The following ZNF572 variants were observed in gnomAD, a reference collection of about 807,000 sequenced individuals.
The protein encoded by ZNF572 is zinc finger protein 572.
Under a neutral mutation model 3.8 loss-of-function variants are expected in ZNF572, and 2 were observed. The ratio of observed to expected loss-of-function variants is 0.52; its 90% CI spans 0.21 to 1.65. The LOEUF (loss-of-function observed/expected upper bound fraction) is 1.65, where lower values mean the gene tolerates loss of function less well. ZNF572 is among the 40% of genes most tolerant of loss of function. The pLI is 0.20. For missense variants in ZNF572, 581 were observed against 633.4 expected (o/e 0.92, Z 0.89); for synonymous variants, 187 against 204.5 (o/e 0.91, Z 0.73).
At position 124,973,352 on chromosome 8, in the gene ZNF572, A is replaced by T. The variant is rs1814456763; in HGVS notation, c.-100A>T. 6.6e-6 allele frequency: 1 copy of T among 152,154 alleles called. No homozygotes were observed. Among genetic ancestry groups the T allele is most frequent in the Admixed American group, 6.5e-5 (1 of 15,270 alleles). 9.4% of individuals were successfully genotyped at this position (152,154 alleles called of 1,614,324 possible). A position where few individuals can be genotyped will look rare whatever the true frequency, so the allele number is the denominator to read the frequency against. Reference sequence around the variant, plus strand: ...ACCCTGGGTTGGTGGGGTCAGAGGGAGAGGGGGTACCTTCCTCCCGGACCG... The same window carrying T: ...ACCCTGGGTTGGTGGGGTCAGAGGGTGAGGGGGTACCTTCCTCCCGGACCG... On this transcript the variant is annotated 5_prime_UTR_variant, in exon 1 of 3. Transcript: ENST00000319286.
chr8:124,977,130 A>G lies in ZNF572; in HGVS notation c.862A>G (p.Ile288Val). The stretch of plus-strand genomic sequence containing the variant: ...GAGTTTTAGTCAGAGTTCCAGCCTC[A>G]TTCGCCACCAGCGGACACACACAGG... ...GKSFSQSSSL[I>V]RHQRTHTGEK... The change falls in exon 3 of 3, where the codon ATT (isoleucine) becomes GTT (valine). Residue 288 changes from isoleucine to valine, a missense_variant. Transcript: ENST00000319286. The G allele has an allele frequency of 1.9e-6, 3 of 1,608,838 alleles. No individual in the cohort carries two copies. Among genetic ancestry groups the G allele is most frequent in the Non-Finnish European group, 2.5e-6 (3 of 1,179,998 alleles).
At chr8:124,975,252 A>G (rs1320507726) in intron 1 of ZNF572, among the ~76,000 whole-genome samples, 1 of 152,134 alleles carries the variant, frequency 6.6e-6, no homozygotes, top group African/African-American at 2.4e-5. Context: ...TGAAGTCTTT[A>G]TAAGTTTTAT....
Position 124,976,885 on chromosome 8 carries a change from A to G in ZNF572, c.617A>G (p.His206Arg), listed in dbSNP as rs1814514402. 6.2e-7 allele frequency: 1 copy of G among 1,614,182 alleles called. No individual in the cohort carries two copies. Among genetic ancestry groups the G allele is most frequent in the Non-Finnish European group, 8.5e-7 (1 of 1,180,020 alleles). ...SFSNTSHLIIHERTHTGEKPY... is the reference protein window; with the variant it reads ...SFSNTSHLIIRERTHTGEKPY... ...AGCAATACCTCCCATCTTATTATCC[A>G]TGAGAGAACTCACACGGGAGAGAAA... The change falls in exon 3 of 3, where the codon CAT becomes CGT. Residue 206 changes from histidine (H) to arginine (R), a missense_variant. Coordinates refer to ENST00000319286, the MANE Select transcript of ZNF572 (RefSeq NM_152412.3).
rs938121416 is a variant in ZNF572 at position 124,978,673 on chromosome 8, T to C, written c.*815T>C. ...GTATTGAAGACACTGGGTTTAGACA[T>C]TGGATATTTTAATGATTGTGTGTTC... On this transcript the variant is annotated 3_prime_UTR_variant, in exon 3 of 3. Coordinates refer to ENST00000319286, the MANE Select transcript of ZNF572 (RefSeq NM_152412.3). 5.9e-5 allele frequency: 9 copies of C among 152,198 alleles called. No individual in the cohort carries two copies. The highest frequency in any genetic ancestry group is 1.9e-4 in the East Asian group (1 of 5,206). The allele number at this position is 152,198 out of a possible 1,614,324, so 9.4% of individuals were successfully genotyped here.
In ZNF572 at chr8:124,977,393, C is replaced by G; in HGVS notation, c.1125C>G (p.Cys375Trp). 6.2e-7 allele frequency: 1 copy of G among 1,614,074 alleles called. No individual in the cohort carries two copies. The highest frequency in any genetic ancestry group is 8.5e-7 in the Non-Finnish European group (1 of 1,179,998). ...LGQNCNVIEE[C>W]RIQLGEKPYR... ...AGAACTGCAATGTGATAGAAGAATG[C>G]AGAATCCAGTTAGGAGAGAAACCAT... Residue 375 changes from cysteine (C) to tryptophan (W), a missense_variant, in exon 3 of 3, where the codon TGC becomes TGG. Cys to Trp is a radical substitution (Grantham distance 215, BLOSUM62 -2). Coordinates refer to ENST00000319286, the MANE Select transcript of ZNF572 (RefSeq NM_152412.3).
rs766562493 is a variant in ZNF572 at position 124,975,616 on chromosome 8, C to A, written c.-25C>A. 13 of 1,595,186 alleles carry A rather than the reference C, an allele frequency of 8.1e-6. No homozygotes were observed. The highest frequency in any genetic ancestry group is 1.1e-5 in the Non-Finnish European group (13 of 1,163,060). On this transcript the variant is annotated 5_prime_UTR_variant, in exon 2 of 3. Transcript: ENST00000319286. ...TATTTCCTTCCACAGGGTTTCTGATCTCTAACTTGGCTGTGATCATTGTGA... is the reference window on the plus strand; with the variant it reads ...TATTTCCTTCCACAGGGTTTCTGATATCTAACTTGGCTGTGATCATTGTGA...
chr8:124,976,762 G>T lies in ZNF572; in HGVS notation c.494G>T (p.Cys165Phe). The change falls in exon 3 of 3, where the codon TGT becomes TTT. Residue 165 changes from cysteine to phenylalanine, a missense_variant. Coordinates refer to ENST00000319286, the MANE Select transcript of ZNF572 (RefSeq NM_152412.3). ...GAAAAGCCTTATAAATGCTCTGAGT[G>T]TGCAAAATGTTTTTGTAACAGTTCT... The part of the protein sequence containing the change: ...SGEKPYKCSE[C>F]AKCFCNSSHL... 1 of 1,614,202 alleles carries T rather than the reference G, an allele frequency of 6.2e-7. No individual in the cohort carries two copies. Among genetic ancestry groups the T allele is most frequent in the South Asian group, 1.1e-5 (1 of 91,084 alleles).
rs759706881 is a variant in ZNF572, at chr8:124,975,623, T to C, written c.-18T>C. ...TTCCACAGGGTTTCTGATCTCTAAC[T>C]TGGCTGTGATCATTGTGATGGAGCA... On this transcript the variant is annotated 5_prime_UTR_variant, in exon 2 of 3. Coordinates refer to ENST00000319286, the MANE Select transcript of ZNF572 (RefSeq NM_152412.3). The C allele has an allele frequency of 6.2e-7, 1 of 1,604,794 alleles. No individual in the cohort carries two copies. The highest frequency in any genetic ancestry group is 8.5e-7 in the Non-Finnish European group (1 of 1,171,586).
Position 124,976,745 on chromosome 8 carries a change from T to C in ZNF572, c.477T>C (p.Pro159=). 6.2e-7 allele frequency: 1 copy of C among 1,614,196 alleles called. No homozygotes were observed. Among genetic ancestry groups the C allele is most frequent in the Non-Finnish European group, 8.5e-7 (1 of 1,180,018 alleles). ...AGAGGACCCACTCAGGAGAAAAGCC[T>C]TATAAATGCTCTGAGTGTGCAAAAT... ...THQRTHSGEK[P]YKCSECAKCF... is the part of the protein sequence containing the mutation. Residue 159 remains proline (P), a synonymous_variant, in exon 3 of 3, where the codon CCT becomes CCC. Coordinates refer to ENST00000319286, the MANE Select transcript of ZNF572 (RefSeq NM_152412.3).
Position 124,977,227 on chromosome 8 carries a change from G to T in ZNF572, c.959G>T (p.Arg320Ile), listed in dbSNP as rs768541083. The T allele has an allele frequency of 2.5e-6, 4 of 1,612,962 alleles. No homozygotes were observed. Among genetic ancestry groups the T allele is most frequent in the Middle Eastern group, 1.6e-4 (1 of 6,062 alleles). The change falls in exon 3 of 3, where the codon AGA becomes ATA. Residue 320 changes from arginine to isoleucine, a missense_variant. Physicochemically the swap from Arg to Ile is moderately conservative, Grantham distance 97. Coordinates refer to ENST00000319286, the MANE Select transcript of ZNF572 (RefSeq NM_152412.3). ...AATTCTACTCTAATAAAACATCAGA[G>T]AATACATACAGGAGAAAAGCCTTAT... ...GCNSTLIKHQ[R>I]IHTGEKPYQC...
Position 124,975,734 on chromosome 8 carries a change from C to T in ZNF572, c.79+15C>T, listed in dbSNP as rs369069679. 236 of 1,603,534 alleles carry T rather than the reference C, an allele frequency of 1.5e-4. No individual in the cohort carries two copies. The highest frequency in any genetic ancestry group is 1.4e-3 in the East Asian group (61 of 44,782). The stretch of plus-strand genomic sequence containing the variant: ...CCCTTTCACAGGTGAGGGATCAAGA[C>T]GATGATCTGAATCCTTAGGAAATTT... On this transcript the variant is annotated intron_variant, in intron 2 of 2. Coordinates refer to ENST00000319286, the MANE Select transcript of ZNF572 (RefSeq NM_152412.3).
intron 1 of ZNF572, among the ~76,000 whole-genome samples, chr8:124,974,029 G>A (rs1814472391): frequency 6.6e-6 from 1 of 152,034 alleles, no homozygotes; most frequent in Admixed American, 6.5e-5. Context: ...GCATTCAGGT[G>A]TATGGTTTTT....
In ZNF572 at chr8:124,975,692, AG is replaced by A. The variant is rs775331513; in HGVS notation, c.55del (p.Glu19ArgfsTer3). The A allele has an allele frequency of 1.2e-6, 2 of 1,613,984 alleles. No individual in the cohort carries two copies. Among genetic ancestry groups the A allele is most frequent in the Non-Finnish European group, 1.7e-6 (2 of 1,179,924 alleles). On this transcript the variant is annotated frameshift_variant, in exon 2 of 3. Coordinates refer to ENST00000319286, the MANE Select transcript of ZNF572 (RefSeq NM_152412.3). LOFTEE classifies it low-confidence loss of function (END_TRUNC). The stretch of plus-strand genomic sequence containing the variant: ...CTCAGATTCTAACAGCTTTATGGAG[AG>A]GGAGAGTTTGAAAAGCCCTTTCACA... ...LVSDSNSFME[R>X]ESLKSPFTGD...
Position 124,977,310 on chromosome 8 carries a change from A to G in ZNF572, c.1042A>G (p.Lys348Glu), listed in dbSNP as rs768612216. 6 of 1,614,092 alleles carry G rather than the reference A, an allele frequency of 3.7e-6. No individual in the cohort carries two copies. The highest frequency in any genetic ancestry group is 1.6e-4 in the Middle Eastern group (1 of 6,084). The change falls in exon 3 of 3, where the codon AAA (lysine) becomes GAA (glutamate). Residue 348 changes from lysine (K) to glutamate (E), a missense_variant. Transcript: ENST00000319286. ...TAGTTCAAACCTTATTACACACCAG[A>G]AAATGCACACAGGAGAGAAATCCTA... Reference protein sequence around the residue: ...SRSSNLITHQKMHTGEKSYES... With the variant: ...SRSSNLITHQEMHTGEKSYES...
chr8:124,976,251 G>GT (rs1362377347), intron 2 of ZNF572, 97 bp from the exon 3 acceptor site: 1 of 1,092,638 alleles, frequency 9.2e-7, no homozygotes, highest in Non-Finnish European at 1.3e-6. Flanking sequence ...TATTTATGAG[G>GT]TTTTACAGTG....
rs372822887 is a variant in ZNF572, at chr8:124,976,901, G to A, written c.633G>A (p.Thr211=). 1,026 of 1,613,692 alleles carry A rather than the reference G, an allele frequency of 6.4e-4. 11 individuals are homozygous for A. The South Asian group carries it at 8.3e-3, about 13-fold the overall frequency. Residue 211 remains threonine (T), a synonymous_variant, in exon 3 of 3, where the codon ACG becomes ACA. Transcript: ENST00000319286. The stretch of plus-strand genomic sequence containing the variant: ...TTATTATCCATGAGAGAACTCACAC[G>A]GGAGAGAAACCCTACAAATGTCCCG... ...SHLIIHERTH[T]GEKPYKCPEC... is the part of the protein sequence containing the mutation.
chr8:124,977,715 C>G lies in ZNF572; in HGVS notation c.1447C>G (p.Leu483Val). ...CEKCFSRSAY[L>V]SQHRKIHVEK... ...GAAATGCTTCAGCAGAAGTGCCTACCTCAGTCAGCATCGGAAAATTCACGT... is the reference window on the plus strand; with the variant it reads ...GAAATGCTTCAGCAGAAGTGCCTACGTCAGTCAGCATCGGAAAATTCACGT... Residue 483 changes from leucine to valine, a missense_variant, in exon 3 of 3, where the codon CTC (leucine) becomes GTC (valine). Physicochemically the swap from Leu to Val is conservative, Grantham distance 32. Transcript: ENST00000319286. 6.2e-7 allele frequency: 1 copy of G among 1,614,222 alleles called. No individual in the cohort carries two copies. The highest frequency in any genetic ancestry group is 8.5e-7 in the Non-Finnish European group (1 of 1,180,030).
At position 124,976,328 on chromosome 8, in the gene ZNF572, A is replaced by G; in HGVS notation, c.80-20A>G. 1 of 1,545,502 alleles carries G rather than the reference A, an allele frequency of 6.5e-7. No homozygotes were observed. The highest frequency in any genetic ancestry group is 8.7e-7 in the Non-Finnish European group (1 of 1,146,606). The stretch of plus-strand genomic sequence containing the variant: ...GGCAGAGATTTGGAATATGGTTAGA[A>G]TATTTGTTTATTCTTGCAGGAGATA... On this transcript the variant is annotated intron_variant, in intron 2 of 2. Coordinates refer to ENST00000319286, the MANE Select transcript of ZNF572 (RefSeq NM_152412.3).
rs1448215113 is a variant in ZNF572, at chr8:124,976,941, T to C, written c.673T>C (p.Phe225Leu). The change falls in exon 3 of 3, where the codon TTC becomes CTC. Residue 225 changes from phenylalanine to leucine, a missense_variant. Transcript: ENST00000319286. ...CAAATGTCCCGAGTGTGGGAAGAGA[T>C]TCAGCAGCAGCTCTCACCTTATTCA... ...PYKCPECGKR[F>L]SSSSHLIQHH... 1 of 1,614,112 alleles carries C rather than the reference T, an allele frequency of 6.2e-7. No homozygotes were observed. The highest frequency in any genetic ancestry group is 1.1e-5 in the South Asian group (1 of 91,072).
Sources: gnomAD v4.1 joint callset for allele counts (sites outside exome capture counted in the v4.1 genomes callset) on GRCh38, gnomAD v4.1.1 for gene constraint, MANE v1.5 for transcripts, NCBI Gene and HGNC (gene_info 2026-07-23, HGNC 2026-07-21) for gene names.